XIRP2: variants seen among roughly 807,000 people sequenced by gnomAD.
XIRP2 encodes xin actin-binding repeat-containing protein 2.
Under a neutral mutation model 277.0 loss-of-function variants are expected in XIRP2, and 236 were observed. The observed-to-expected ratio is 0.85, with a 90% confidence interval of 0.77 to 0.95. XIRP2 has a LOEUF of 0.95. Ranked by LOEUF, XIRP2 falls within the 40% of genes least tolerant of loss-of-function variation. The pLI, the probability that XIRP2 is intolerant of heterozygous loss-of-function variation, is 0.00. For missense variants in XIRP2, 4,640 were observed against 4,157.5 expected (o/e 1.12, Z -3.19); for synonymous variants, 1,490 against 1,416.5 (o/e 1.05, Z -1.17).
intron 2 of XIRP2, among the ~76,000 whole-genome samples, chr2:167,117,966 A>T (rs569002426): frequency 1.3e-5 from 2 of 152,338 alleles, no homozygotes; most frequent in African/African-American, 4.8e-5. Flanking sequence ...AAATTCTGAG[A>T]CAACAGAAAA....
chr2:166,920,112 A>T (rs1184801857), intron 2 of XIRP2, among the ~76,000 whole-genome samples: 1 of 152,140 alleles, frequency 6.6e-6, no homozygotes, highest in Non-Finnish European at 1.5e-5. Flanking sequence ...GCACTGTGCT[A>T]CCACTAATAG....
chr2:166,940,827 C>T (rs1426640617), intron 2 of XIRP2, among the ~76,000 whole-genome samples: 1 of 152,126 alleles, frequency 6.6e-6, no homozygotes, highest in African/African-American at 2.4e-5. Flanking sequence ...AGAGGGGTAC[C>T]TGGCCATGTG....
intron 3 of XIRP2, among the ~76,000 whole-genome samples, chr2:167,166,197 T>C (rs1270419219): frequency 6.6e-6 from 1 of 152,068 alleles, no homozygotes; most frequent in Non-Finnish European, 1.5e-5. Flanking sequence ...TATCTTGAGG[T>C]TTTTTTTCTT....
chr2:167,225,075 G>A (rs929596190), intron 5 of XIRP2, among the ~76,000 whole-genome samples: 18 of 152,148 alleles, frequency 1.2e-4, no homozygotes, highest in African/African-American at 3.6e-4. Context: ...GACCAAGAAA[G>A]AAATATGCTT....
intron 2 of XIRP2, among the ~76,000 whole-genome samples, chr2:167,087,091 T>C (rs1689974394): frequency 6.6e-6 from 1 of 151,864 alleles, no homozygotes; most frequent in African/African-American, 2.4e-5. Flanking sequence ...CTTTTGGTCT[T>C]TGATGATGGT....
At chr2:167,091,169 C>T (rs1024091591) in intron 2 of XIRP2, among the ~76,000 whole-genome samples, 2 of 151,938 alleles carry the variant, frequency 1.3e-5, no homozygotes, top group Admixed American at 1.3e-4. Flanking sequence ...TTTTCTGTTC[C>T]CAAGTGTCAT....
intron 3 of XIRP2, among the ~76,000 whole-genome samples, chr2:167,205,996 CACAAT>C (rs1271678491): frequency 6.6e-6 from 1 of 152,096 alleles, no homozygotes; most frequent in African/African-American, 2.4e-5. Flanking sequence ...GACTCTGGTT[CACAAT>C]ACTAAAATTT....
At chr2:167,104,210 T>C (rs1373938235) in intron 2 of XIRP2, among the ~76,000 whole-genome samples, 1 of 152,174 alleles carries the variant, frequency 6.6e-6, no homozygotes. Context: ...AATGATCATA[T>C]TTTTTGCAAT....
chr2:167,100,466 T>G (rs990287031), intron 2 of XIRP2, among the ~76,000 whole-genome samples: 1 of 152,208 alleles, frequency 6.6e-6, no homozygotes, highest in Non-Finnish European at 1.5e-5. Flanking sequence ...TAAAGAGATA[T>G]TCTCCTATCT....
chr2:166,956,032 T>C (rs892171909), intron 2 of XIRP2, among the ~76,000 whole-genome samples: 1 of 151,824 alleles, frequency 6.6e-6, no homozygotes, highest in South Asian at 2.1e-4. Context: ...CTGCCAGCAT[T>C]ATCTCTTTTC....
intron 3 of XIRP2, among the ~76,000 whole-genome samples, chr2:167,159,251 A>G (rs1692292050): frequency 6.6e-6 from 1 of 152,184 alleles, no homozygotes; most frequent in South Asian, 2.1e-4. Flanking sequence ...CTCCTCCAGG[A>G]TCTCTCTGGA....
chr2:166,917,624 TA>T (rs920487521), intron 2 of XIRP2, among the ~76,000 whole-genome samples: 72 of 145,450 alleles, frequency 5.0e-4, no homozygotes, highest in Middle Eastern at 3.5e-3. Context: ...ATGACACTGT[TA>T]AAAAAAAAAA....
intron 2 of XIRP2, among the ~76,000 whole-genome samples, chr2:166,917,511 G>A (rs778416247): frequency 6.6e-6 from 1 of 151,940 alleles, no homozygotes; most frequent in African/African-American, 2.4e-5. Context: ...AGAAATAGCT[G>A]GCAAAACTCC....
At chr2:166,959,488 C>A (rs1482185516) in intron 2 of XIRP2, among the ~76,000 whole-genome samples, 1 of 151,724 alleles carries the variant, frequency 6.6e-6, no homozygotes, top group African/African-American at 2.4e-5. Context: ...GTTAGAAATG[C>A]AGGGGGAAGG....
In XIRP2 at chr2:167,254,098, C is replaced by T. The variant is rs1353826307; in HGVS notation, c.10622C>T (p.Pro3541Leu). ...LSKDSLSNGV[P>L]SGRQAEFS ...AAAGACAGTTTATCCAATGGAGTGC[C>T]TAGTGGCAGACAAGCAGAATTTTCA... The change falls in exon 10 of 11, where the codon CCT becomes CTT. Residue 3541 changes from proline (P) to leucine (L), a missense_variant. Pro to Leu is a moderately conservative substitution (Grantham distance 98, BLOSUM62 -3). Coordinates refer to ENST00000409195, the MANE Select transcript of XIRP2 (RefSeq NM_152381.6). The T allele has an allele frequency of 4.3e-6, 7 of 1,610,782 alleles. No individual in the cohort carries two copies. The highest frequency in any genetic ancestry group is 1.3e-5 in the African/African-American group (1 of 74,736).
chr2:167,210,526 G>A (rs1418372156), intron 3 of XIRP2, among the ~76,000 whole-genome samples: 1 of 152,112 alleles, frequency 6.6e-6, no homozygotes, highest in African/African-American at 2.4e-5. Flanking sequence ...AATTTTTGCT[G>A]TTTACCTAAG....
intron 2 of XIRP2, among the ~76,000 whole-genome samples, chr2:167,134,419 A>G (rs1691480585): frequency 6.6e-6 from 1 of 151,992 alleles, no homozygotes; most frequent in Non-Finnish European, 1.5e-5. Context: ...TTTTCTAACC[A>G]TAGCAAAGAC....
chr2:167,090,029 T>G (rs1330646413), intron 2 of XIRP2, among the ~76,000 whole-genome samples: 1 of 152,182 alleles, frequency 6.6e-6, no homozygotes, highest in East Asian at 1.9e-4. Context: ...TTAACTTATC[T>G]TGTATTCTAT....
intron 2 of XIRP2, among the ~76,000 whole-genome samples, chr2:166,927,572 A>C (rs554379268): frequency 1.3e-5 from 2 of 152,278 alleles, no homozygotes; most frequent in South Asian, 4.1e-4. Flanking sequence ...TTCTTCTCAC[A>C]TAACATGACT....
Sources: allele counts gnomAD v4.1 joint callset (sites outside exome capture counted in the v4.1 genomes callset), GRCh38; gene constraint gnomAD v4.1.1; transcripts MANE v1.5; gene names NCBI Gene and HGNC (gene_info 2026-07-23, HGNC 2026-07-21).